The following DLG2 variants were observed in gnomAD, a reference collection of about 807,000 sequenced individuals.
DLG2 encodes the protein disks large homolog 2.
DLG2 carries 45 observed loss-of-function variants against 132.5 expected under a neutral mutation model. The ratio of observed to expected loss-of-function variants is 0.34; its 90% CI spans 0.27 to 0.44. The LOEUF (loss-of-function observed/expected upper bound fraction) is 0.44, where lower values mean the gene tolerates loss of function less well. Among genes scored for constraint, DLG2 ranks in the 20% least tolerant of loss-of-function variants. The pLI is 1.00. For synonymous variants in DLG2, 424 were observed against 419.6 expected (o/e 1.01, Z -0.13); for missense variants, 1,045 against 1,196.9 (o/e 0.87, Z 1.87).
At chr11:83,664,481 G>C (rs2075090490) in intron 18 of DLG2, among the ~76,000 whole-genome samples, 1 of 151,882 alleles carries the variant, frequency 6.6e-6, no homozygotes. Flanking sequence ...GAATCTGAGG[G>C]GTGGACAGGT....
At chr11:83,548,359 A>G (rs1394378682) in intron 19 of DLG2, among the ~76,000 whole-genome samples, 1 of 152,140 alleles carries the variant, frequency 6.6e-6, no homozygotes, top group Non-Finnish European at 1.5e-5. Context: ...TAGAAGAGAA[A>G]GGCAGAATAG....
chr11:85,549,144 G>A (rs1404963434), intron 3 of DLG2, among the ~76,000 whole-genome samples: 1 of 152,194 alleles, frequency 6.6e-6, no homozygotes, highest in Non-Finnish European at 1.5e-5. Context: ...AATCTCCTGG[G>A]TCCGCAGGTT....
chr11:84,433,429 G>A (rs898061942), intron 7 of DLG2, among the ~76,000 whole-genome samples: 1 of 152,100 alleles, frequency 6.6e-6, no homozygotes, highest in Non-Finnish European at 1.5e-5. Context: ...GTGACAACAG[G>A]CATACAAGTA....
At chr11:85,380,853 T>C (rs966920430) in intron 3 of DLG2, among the ~76,000 whole-genome samples, 1 of 152,176 alleles carries the variant, frequency 6.6e-6, no homozygotes, top group African/African-American at 2.4e-5. Flanking sequence ...GATCTAAACA[T>C]TTAAGTCATC....
At chr11:84,998,392 T>G (rs2057883553) in intron 6 of DLG2, among the ~76,000 whole-genome samples, 1 of 152,166 alleles carries the variant, frequency 6.6e-6, no homozygotes, top group Admixed American at 6.6e-5. Flanking sequence ...TGTGAAGAAG[T>G]ACCTTCCACC....
intron 19 of DLG2, among the ~76,000 whole-genome samples, chr11:83,626,656 A>T (rs140966525): frequency 6.6e-6 from 1 of 152,318 alleles, no homozygotes; most frequent in African/African-American, 2.4e-5. Context: ...GAACGAAACT[A>T]TGAGCAGAGG....
intron 18 of DLG2, chr11:83,682,365 C>A (rs1005606941): frequency 4.1e-6 from 4 of 985,264 alleles, no homozygotes; most frequent in Non-Finnish European, 4.8e-6. Context: ...CAGGGGGTGA[C>A]CATGCAGCAT....
At chr11:85,539,592 T>C (rs1598377454) in intron 3 of DLG2, among the ~76,000 whole-genome samples, 1 of 152,198 alleles carries the variant, frequency 6.6e-6, no homozygotes, top group South Asian at 2.1e-4. Context: ...GCTGCATAAC[T>C]CTGTGAACAT....
intron 6 of DLG2, among the ~76,000 whole-genome samples, chr11:84,842,899 C>T (rs2080887521): frequency 6.6e-6 from 1 of 151,868 alleles, no homozygotes. Flanking sequence ...CCCCAACACA[C>T]ACAGCAAAAA....
chr11:84,122,926 C>T (rs772412111), intron 9 of DLG2, among the ~76,000 whole-genome samples: 1 of 151,824 alleles, frequency 6.6e-6, no homozygotes, highest in Non-Finnish European at 1.5e-5. Flanking sequence ...TTCTAAAGTT[C>T]TAAAGTCTAT....
intron 4 of DLG2, among the ~76,000 whole-genome samples, chr11:85,249,225 G>A (rs2076280672): frequency 6.6e-6 from 1 of 151,848 alleles, no homozygotes; most frequent in Non-Finnish European, 1.5e-5. Flanking sequence ...CATAGGTAAT[G>A]TAAATTTGCC....
In DLG2 at chr11:84,611,723, C is replaced by G. The variant is rs377590757; in HGVS notation, c.358-76992G>C. On this transcript the variant is annotated intron_variant, in intron 6 of 27. Coordinates refer to ENST00000376104, the MANE Select transcript of DLG2 (RefSeq NM_001142699.3). Reference sequence around the variant, plus strand: ...ACTACAAAGATTTTTCTGTGCCATTCTTGCCCAAAGAAAGATACTTTCACC... The same window carrying G: ...ACTACAAAGATTTTTCTGTGCCATTGTTGCCCAAAGAAAGATACTTTCACC... Among the ~76,000 whole-genome samples the G allele has an allele frequency of 3.3e-5, 5 of 152,242 alleles. No homozygotes were observed. In the East Asian group the frequency reaches 7.7e-4, roughly 24 times the overall value.
intron 19 of DLG2, among the ~76,000 whole-genome samples, chr11:83,603,354 G>A (rs1207304528): frequency 4.6e-5 from 7 of 151,978 alleles, no homozygotes; most frequent in African/African-American, 1.7e-4. Flanking sequence ...CCATGTTGAT[G>A]TATATAACAG....
intron 3 of DLG2, among the ~76,000 whole-genome samples, chr11:85,307,650 A>G (rs2080042532): frequency 6.6e-6 from 1 of 152,194 alleles, no homozygotes; most frequent in Non-Finnish European, 1.5e-5. Flanking sequence ...CACCAATGGG[A>G]AAGAGATGTT....
chr11:83,768,326 A>C (rs2094230513), intron 18 of DLG2, among the ~76,000 whole-genome samples: 1 of 152,204 alleles, frequency 6.6e-6, no homozygotes. Flanking sequence ...TACCTTCTAC[A>C]TTAGATGCTT....
At chr11:85,413,641 C>T (rs181316560) in intron 3 of DLG2, among the ~76,000 whole-genome samples, 12 of 152,074 alleles carry the variant, frequency 7.9e-5, no homozygotes, top group Admixed American at 7.9e-4. Context: ...ATTATTCCAG[C>T]ACCATTTGTT....
At chr11:84,923,688 C>T (rs1468046019) in intron 6 of DLG2, 7 of 577,696 alleles carry the variant, frequency 1.2e-5, no homozygotes, top group Non-Finnish European at 1.5e-5. Flanking sequence ...TACTACAAAT[C>T]ACCGCAAGCA....
chr11:84,067,731 T>C (rs2096700521), intron 10 of DLG2, among the ~76,000 whole-genome samples: 1 of 152,234 alleles, frequency 6.6e-6, no homozygotes, highest in Non-Finnish European at 1.5e-5. Context: ...CCAGTTAAGG[T>C]TCTCCCTTGT....
At chr11:83,738,890 A>C (rs931831637) in intron 18 of DLG2, among the ~76,000 whole-genome samples, 3 of 152,180 alleles carry the variant, frequency 2.0e-5, no homozygotes, top group African/African-American at 7.2e-5. Context: ...AACTTTTAAC[A>C]CACAAATCCT....
Sources: gnomAD v4.1 joint callset for allele counts (sites outside exome capture counted in the v4.1 genomes callset) on GRCh38, gnomAD v4.1.1 for gene constraint, MANE v1.5 for transcripts, NCBI Gene and HGNC (gene_info 2026-07-23, HGNC 2026-07-21) for gene names.